The following ADK variants were observed in gnomAD, a reference collection of about 807,000 sequenced individuals.
ADK encodes the protein N6,N6-dimethyladenosine kinase.
A neutral mutation model predicts 44.7 loss-of-function variants in ADK; 24 were observed. The ratio of observed to expected loss-of-function variants is 0.54; its 90% CI spans 0.39 to 0.76. The LOEUF (loss-of-function observed/expected upper bound fraction) is 0.76, where lower values mean the gene tolerates loss of function less well. Ranked by LOEUF, ADK falls within the 30% of genes least tolerant of loss-of-function variation. The pLI is 0.00. For missense variants in ADK, 321 were observed against 425.1 expected (o/e 0.76, Z 2.15); for synonymous variants, 128 against 142.6 (o/e 0.90, Z 0.73).
At chr10:74,168,401 A>G (rs1044898948) in intron 1 of ADK, among the ~76,000 whole-genome samples, 1 of 151,648 alleles carries the variant, frequency 6.6e-6, no homozygotes, top group African/African-American at 2.4e-5. Flanking sequence ...TTAGCGGGGC[A>G]TGGTGGCATG....
intron 9 of ADK, among the ~76,000 whole-genome samples, chr10:74,605,495 AGGTAATCATGT>A (rs1379206571): frequency 6.6e-6 from 1 of 152,118 alleles, no homozygotes; most frequent in Non-Finnish European, 1.5e-5. Context: ...GCATCTATTG[AGGTAATCATGT>A]GGCTTTTGTT....
At chr10:74,553,067 A>G (rs75366997) in intron 7 of ADK, among the ~76,000 whole-genome samples, 1 of 151,896 alleles carries the variant, frequency 6.6e-6, no homozygotes, top group East Asian at 1.9e-4. Context: ...CATCTACCCT[A>G]TGATCCAGCA....
chr10:74,471,163 C>T (rs1343920262), intron 6 of ADK, among the ~76,000 whole-genome samples: 9 of 151,826 alleles, frequency 5.9e-5, no homozygotes, highest in African/African-American at 1.5e-4. Context: ...CAAGCTCCGC[C>T]TCCCAGGTTC....
chr10:74,333,187 T>C (rs745605211), intron 4 of ADK, among the ~76,000 whole-genome samples: 1 of 152,174 alleles, frequency 6.6e-6, no homozygotes, highest in African/African-American at 2.4e-5. Flanking sequence ...GGGCTGGGAA[T>C]ACACAAGAAA....
intron 10 of ADK, among the ~76,000 whole-genome samples, chr10:74,681,719 G>A (rs1855608305): frequency 6.6e-6 from 1 of 151,970 alleles, no homozygotes; most frequent in South Asian, 2.1e-4. Flanking sequence ...GCCTGATGGC[G>A]GGCACCTGTA....
chr10:74,266,815 AAAGAT>A (rs2132393931), intron 3 of ADK, among the ~76,000 whole-genome samples: 1 of 152,314 alleles, frequency 6.6e-6, no homozygotes, highest in African/African-American at 2.4e-5. Flanking sequence ...TCATATTAAA[AAAGAT>A]AATTGAAATT....
intron 1 of ADK, among the ~76,000 whole-genome samples, chr10:74,176,130 T>C (rs979143972): frequency 3.9e-5 from 6 of 152,234 alleles, no homozygotes; most frequent in African/African-American, 1.4e-4. Flanking sequence ...TGTCCAGGCC[T>C]ACCTTTCTAG....
chr10:74,482,201 T>C (rs546168718), intron 6 of ADK, among the ~76,000 whole-genome samples: 2 of 152,286 alleles, frequency 1.3e-5, no homozygotes, highest in African/African-American at 4.8e-5. Context: ...ACAGGAAATG[T>C]GGCTGGGGAG....
At chr10:74,237,063 A>G (rs1268378079) in intron 3 of ADK, among the ~76,000 whole-genome samples, 1 of 152,194 alleles carries the variant, frequency 6.6e-6, no homozygotes, top group African/African-American at 2.4e-5. Flanking sequence ...TAAGACAATA[A>G]TGAAGTTTGC....
intron 1 of ADK, among the ~76,000 whole-genome samples, chr10:74,173,371 G>C (rs1842224690): frequency 6.6e-6 from 1 of 151,806 alleles, no homozygotes; most frequent in Non-Finnish European, 1.5e-5. Flanking sequence ...GGGATTACAG[G>C]TGTGAGCCAC....
chr10:74,163,214 C>T (rs1464812727), intron 1 of ADK, among the ~76,000 whole-genome samples: 1 of 152,102 alleles, frequency 6.6e-6, no homozygotes, highest in Non-Finnish European at 1.5e-5. Context: ...GATCCATCCG[C>T]CTCGGCCTCC....
intron 6 of ADK, among the ~76,000 whole-genome samples, chr10:74,513,438 T>A (rs889349919): frequency 1.7e-4 from 26 of 152,312 alleles, no homozygotes; most frequent in African/African-American, 6.3e-4. Context: ...CATATATATT[T>A]ACAGTTGTTA....
intron 4 of ADK, among the ~76,000 whole-genome samples, chr10:74,386,577 C>G (rs191556803): frequency 2.6e-5 from 4 of 152,076 alleles, no homozygotes; most frequent in Admixed American, 2.6e-4. Flanking sequence ...GGCTCCTTAC[C>G]TTAGTGAACT....
chr10:74,314,578 G>A, intron 3 of ADK, 89 bp from the exon 4 acceptor site: 4 of 770,386 alleles, frequency 5.2e-6, no homozygotes, highest in Non-Finnish European at 9.1e-6. Context: ...TTTACTATTT[G>A]TGTTTTAATA....
chr10:74,286,931 C>T (rs1475999464), intron 3 of ADK, among the ~76,000 whole-genome samples: 1 of 152,112 alleles, frequency 6.6e-6, no homozygotes, highest in Non-Finnish European at 1.5e-5. Context: ...AAGTGATCCT[C>T]CCACCTCAGC....
chr10:74,280,446 A>ACACACG (rs1314310301), intron 3 of ADK, among the ~76,000 whole-genome samples: 3 of 151,612 alleles, frequency 2.0e-5, no homozygotes, highest in African/African-American at 4.9e-5. Context: ...ACACACACAC[A>ACACACG]CGTTTTTTAG....
chr10:74,525,443 T>C lies in ADK; in HGVS notation c.726+17T>C. 1 of 1,601,904 alleles carries C rather than the reference T, an allele frequency of 6.2e-7. No homozygotes were observed. Among genetic ancestry groups the C allele is most frequent in the Non-Finnish European group, 8.5e-7 (1 of 1,172,682 alleles). ...AATGAGACAGTGAGTTACCTTTCCT[T>C]TTTCAAAAGAACCTGGGGGTTTTTT... On this transcript the variant is annotated intron_variant, in intron 7 of 10. Transcript: ENST00000539909.
chr10:74,511,914 TG>T (rs1422195603), intron 6 of ADK, among the ~76,000 whole-genome samples: 1 of 152,192 alleles, frequency 6.6e-6, no homozygotes. Context: ...TTCAGTAAGA[TG>T]CTAGCTGTGA....
chr10:74,494,764 G>A (rs976494817), intron 6 of ADK, among the ~76,000 whole-genome samples: 3 of 152,080 alleles, frequency 2.0e-5, no homozygotes, highest in Non-Finnish European at 4.4e-5. Flanking sequence ...CCGGGCTCAA[G>A]CGATTCTCCT....
Sources: gnomAD v4.1 joint callset for allele counts (sites outside exome capture counted in the v4.1 genomes callset) on GRCh38, gnomAD v4.1.1 for gene constraint, MANE v1.5 for transcripts, NCBI Gene and HGNC (gene_info 2026-07-23, HGNC 2026-07-21) for gene names.